The following RNGTT variants were observed in gnomAD, a reference collection of about 807,000 sequenced individuals.
RNGTT encodes the protein RNA guanylyltransferase and 5'-phosphatase, also known as mRNA-capping enzyme.
RNGTT carries 33 observed loss-of-function variants against 79.3 expected under a neutral mutation model. The observed-to-expected ratio is 0.42, with a 90% CI of 0.32 to 0.56. RNGTT has a LOEUF of 0.56. Ranked by LOEUF, RNGTT falls within the 20% of genes least tolerant of loss-of-function variation. The pLI is 0.17. For missense variants in RNGTT, 497 were observed against 739.1 expected (o/e 0.67, Z 3.80); for synonymous variants, 222 against 235.9 (o/e 0.94, Z 0.54).
At chr6:88,735,363 C>A (rs1431212271) in intron 13 of RNGTT, among the ~76,000 whole-genome samples, 2 of 151,938 alleles carry the variant, frequency 1.3e-5, no homozygotes, top group African/African-American at 4.8e-5. Context: ...ATTCATCCAA[C>A]AATAGCAGAA....
chr6:88,765,458 T>A (rs1778428416), intron 13 of RNGTT, among the ~76,000 whole-genome samples: 1 of 152,152 alleles, frequency 6.6e-6, no homozygotes, highest in South Asian at 2.1e-4. Flanking sequence ...ATTTATTTAA[T>A]CCCCACAAAA....
chr6:88,613,961 T>C (rs1361094798), intron 15 of RNGTT, among the ~76,000 whole-genome samples: 3 of 152,268 alleles, frequency 2.0e-5, no homozygotes, highest in African/African-American at 4.8e-5. Context: ...TAGTTTTGAA[T>C]AGATCTGAAA....
intron 1 of RNGTT, among the ~76,000 whole-genome samples, chr6:88,945,930 A>G (rs1479715317): frequency 6.6e-6 from 1 of 152,272 alleles, no homozygotes; most frequent in Non-Finnish European, 1.5e-5. Flanking sequence ...GTTGCTAATC[A>G]GAGAAGAGTA....
chr6:88,752,911 A>T (rs1362589862), intron 13 of RNGTT, among the ~76,000 whole-genome samples: 1 of 152,160 alleles, frequency 6.6e-6, no homozygotes, highest in Non-Finnish European at 1.5e-5. Context: ...AAATAAAAAA[A>T]GATTTCATAA....
chr6:88,891,770 G>T, intron 7 of RNGTT, 36 bp downstream of exon 7: 1 of 1,342,874 alleles, frequency 7.4e-7, no homozygotes, highest in Non-Finnish European at 1.0e-6. Flanking sequence ...TAAAATAAGA[G>T]CAAATTTTAT....
At chr6:88,655,207 C>T (rs1436037929) in intron 14 of RNGTT, among the ~76,000 whole-genome samples, 2 of 152,104 alleles carry the variant, frequency 1.3e-5, no homozygotes, top group African/African-American at 4.8e-5. Flanking sequence ...CAAATAAATA[C>T]TTTACTCTTA....
intron 13 of RNGTT, among the ~76,000 whole-genome samples, chr6:88,749,404 C>T (rs1251268917): frequency 2.6e-5 from 4 of 151,126 alleles, no homozygotes; most frequent in Admixed American, 1.3e-4. Context: ...GATGTGCGTG[C>T]TAAAATTTCT....
intron 2 of RNGTT, among the ~76,000 whole-genome samples, chr6:88,930,588 A>C (rs1224483247): frequency 1.3e-5 from 2 of 152,186 alleles, no homozygotes; most frequent in South Asian, 2.1e-4. Context: ...AACGCATATA[A>C]AATCCACACA....
At chr6:88,620,108 T>C (rs887213159) in intron 14 of RNGTT, among the ~76,000 whole-genome samples, 1 of 152,228 alleles carries the variant, frequency 6.6e-6, no homozygotes, top group African/African-American at 2.4e-5. Context: ...TTGGTGTTTG[T>C]GCCTCTATAA....
chr6:88,682,587 A>G (rs34752032), intron 13 of RNGTT, among the ~76,000 whole-genome samples: 17,659 of 152,074 alleles, frequency 0.12, 1,140 homozygotes, highest in Middle Eastern at 0.22. Context: ...TCCTTTTTTT[A>G]AAATTTCCAA....
chr6:88,660,838 A>T (rs1229829530), intron 14 of RNGTT, among the ~76,000 whole-genome samples: 1 of 152,216 alleles, frequency 6.6e-6, no homozygotes, highest in Non-Finnish European at 1.5e-5. Flanking sequence ...TTTACACAAC[A>T]TTCTACCCAA....
At chr6:88,918,798 T>C (rs1784077190) in intron 4 of RNGTT, among the ~76,000 whole-genome samples, 1 of 152,258 alleles carries the variant, frequency 6.6e-6, no homozygotes, top group Non-Finnish European at 1.5e-5. Context: ...ATTTCCTTAC[T>C]ATCTTCTATT....
intron 6 of RNGTT, among the ~76,000 whole-genome samples, 152 bp downstream of exon 6, chr6:88,904,562 CA>C (rs113231405): frequency 0.022 from 3,060 of 139,436 alleles, 100 homozygotes; most frequent in African/African-American, 0.073. Context: ...ACTTTCTCTC[CA>C]AAAAAAAAAA....
chr6:88,759,220 G>A (rs1248949967), intron 13 of RNGTT, among the ~76,000 whole-genome samples: 3 of 152,210 alleles, frequency 2.0e-5, no homozygotes, highest in Non-Finnish European at 4.4e-5. Flanking sequence ...GCCAGTGGGA[G>A]CACCTTCAAG....
At chr6:88,942,400 G>A (rs1436241589) in intron 1 of RNGTT, among the ~76,000 whole-genome samples, 2 of 151,620 alleles carry the variant, frequency 1.3e-5, no homozygotes. Flanking sequence ...GAGACAGGGT[G>A]TCACTCTGTT....
intron 13 of RNGTT, among the ~76,000 whole-genome samples, chr6:88,717,291 G>A (rs1329219219): frequency 1.3e-5 from 2 of 152,178 alleles, no homozygotes; most frequent in African/African-American, 4.8e-5. Flanking sequence ...TACTAAAGGT[G>A]TAGAAATTGT....
At chr6:88,688,640 A>G (rs1405559982) in intron 13 of RNGTT, among the ~76,000 whole-genome samples, 1 of 152,240 alleles carries the variant, frequency 6.6e-6, no homozygotes, top group Non-Finnish European at 1.5e-5. Context: ...CACAGAAGCC[A>G]ACTTGAAAGA....
At chr6:88,875,087 C>T (rs1782475585) in intron 8 of RNGTT, among the ~76,000 whole-genome samples, 1 of 151,868 alleles carries the variant, frequency 6.6e-6, no homozygotes, top group South Asian at 2.1e-4. Flanking sequence ...AGTAGCTTAA[C>T]AGTTATCTAT....
At chr6:88,799,052 TA>T (rs1419705346) in intron 12 of RNGTT, among the ~76,000 whole-genome samples, 3 of 149,042 alleles carry the variant, frequency 2.0e-5, no homozygotes, top group South Asian at 2.1e-4. Context: ...GAAGTAGCAA[TA>T]AAAAAAGACA....
Sources: allele counts gnomAD v4.1 joint callset (sites outside exome capture counted in the v4.1 genomes callset), GRCh38; gene constraint gnomAD v4.1.1; transcripts MANE v1.5; gene names NCBI Gene and HGNC (gene_info 2026-07-23, HGNC 2026-07-21).